Variants in DLG2 observed in about 807,000 individuals in gnomAD.
DLG2 encodes disks large homolog 2.
DLG2 carries 45 observed loss-of-function variants against 132.5 expected under a neutral mutation model. The observed-to-expected ratio is 0.34, with a 90% CI of 0.27 to 0.44. The LOEUF (loss-of-function observed/expected upper bound fraction) is 0.44, where lower values mean the gene tolerates loss of function less well. Among genes scored for constraint, DLG2 ranks in the 20% least tolerant of loss-of-function variants. The probability of loss-of-function intolerance (pLI) is 1.00; values close to 1 mark genes in which losing one functional copy is unlikely to be tolerated. For missense variants in DLG2, 1,045 were observed against 1,196.9 expected (o/e 0.87, Z 1.87); for synonymous variants, 424 against 419.6 (o/e 1.01, Z -0.13).
chr11:84,862,315 A>C (rs967939043), intron 6 of DLG2, among the ~76,000 whole-genome samples: 1 of 152,232 alleles, frequency 6.6e-6, no homozygotes, highest in Non-Finnish European at 1.5e-5. Context: ...TAAAGTCAGG[A>C]AACAACAGAT....
At chr11:83,688,399 G>T (rs1224009476) in intron 18 of DLG2, among the ~76,000 whole-genome samples, 1 of 152,096 alleles carries the variant, frequency 6.6e-6, no homozygotes, top group Non-Finnish European at 1.5e-5. Flanking sequence ...CCATAAAAAA[G>T]CTTTCAGTAA....
At chr11:84,527,157 A>G (rs1414510658) in intron 7 of DLG2, among the ~76,000 whole-genome samples, 2 of 152,214 alleles carry the variant, frequency 1.3e-5, no homozygotes, top group Non-Finnish European at 2.9e-5. Flanking sequence ...TTAGAACAAT[A>G]GAATAAGGCA....
intron 7 of DLG2, among the ~76,000 whole-genome samples, chr11:84,470,724 T>C (rs985866559): frequency 2.6e-5 from 4 of 151,766 alleles, no homozygotes; most frequent in Non-Finnish European, 5.9e-5. Context: ...TAAAGGAAGT[T>C]TGAGATGGCT....
intron 18 of DLG2, among the ~76,000 whole-genome samples, chr11:83,779,212 A>G (rs1239300498): frequency 6.6e-6 from 1 of 152,172 alleles, no homozygotes; most frequent in East Asian, 1.9e-4. Context: ...TGAATGGATA[A>G]GCAGCTGGCT....
intron 15 of DLG2, among the ~76,000 whole-genome samples, chr11:83,885,334 A>C (rs2067517618): frequency 6.6e-6 from 1 of 152,248 alleles, no homozygotes; most frequent in Admixed American, 6.5e-5. Flanking sequence ...ATCAACTGGA[A>C]GAAAGGGTAT....
At chr11:84,687,817 G>T (rs2099739427) in intron 6 of DLG2, among the ~76,000 whole-genome samples, 1 of 152,114 alleles carries the variant, frequency 6.6e-6, no homozygotes, top group Non-Finnish European at 1.5e-5. Context: ...AAAAAATGAT[G>T]CTAGTTATTG....
intron 7 of DLG2, among the ~76,000 whole-genome samples, chr11:84,489,171 C>G (rs1020209094): frequency 6.6e-6 from 1 of 152,022 alleles, no homozygotes; most frequent in Non-Finnish European, 1.5e-5. Flanking sequence ...GGGATAAAGT[C>G]ACTTCAAAGT....
chr11:83,789,683 G>A (rs774854016), intron 17 of DLG2, among the ~76,000 whole-genome samples: 7 of 152,058 alleles, frequency 4.6e-5, no homozygotes, highest in Non-Finnish European at 1.0e-4. Flanking sequence ...GAGTAGCTGG[G>A]ACTACAGGCA....
intron 6 of DLG2, among the ~76,000 whole-genome samples, chr11:84,684,386 T>C (rs1234956860): frequency 6.6e-6 from 1 of 152,198 alleles, no homozygotes; most frequent in African/African-American, 2.4e-5. Context: ...CTTTTTCTTG[T>C]TCACACTCCA....
intron 18 of DLG2, among the ~76,000 whole-genome samples, chr11:83,683,443 C>A (rs1188757315): frequency 6.6e-6 from 1 of 152,114 alleles, no homozygotes; most frequent in Non-Finnish European, 1.5e-5. Context: ...TATCTGGCCC[C>A]AAGTAGTGTT....
At chr11:84,689,087 T>C (rs1565667463) in intron 6 of DLG2, among the ~76,000 whole-genome samples, 2 of 152,192 alleles carry the variant, frequency 1.3e-5, no homozygotes, top group African/African-American at 2.4e-5. Context: ...AATGGAAGCT[T>C]TTATTATTAC....
intron 4 of DLG2, among the ~76,000 whole-genome samples, chr11:85,272,793 C>T (rs2077623223): frequency 6.6e-6 from 1 of 152,082 alleles, no homozygotes; most frequent in South Asian, 2.1e-4. Context: ...CCCGCATCAC[C>T]AAGACAATAC....
intron 6 of DLG2, among the ~76,000 whole-genome samples, chr11:84,979,550 C>G (rs1008665606): frequency 6.6e-6 from 1 of 151,880 alleles, no homozygotes; most frequent in Non-Finnish European, 1.5e-5. Flanking sequence ...AGCAAACTAT[C>G]GCAAGGACAA....
chr11:83,979,864 C>G (rs577524941), intron 12 of DLG2, among the ~76,000 whole-genome samples: 53 of 152,248 alleles, frequency 3.5e-4, no homozygotes, highest in African/African-American at 1.2e-3. Context: ...ATAGTAATTG[C>G]TCTCCCTAAT....
chr11:84,574,725 T>A (rs1592705016), intron 6 of DLG2, among the ~76,000 whole-genome samples: 1 of 152,288 alleles, frequency 6.6e-6, no homozygotes, highest in East Asian at 1.9e-4. Context: ...GATCATCATC[T>A]CCGTGTGCTC....
At chr11:84,266,823 C>T (rs1400017499) in intron 7 of DLG2, among the ~76,000 whole-genome samples, 1 of 152,192 alleles carries the variant, frequency 6.6e-6, no homozygotes, top group Non-Finnish European at 1.5e-5. Flanking sequence ...ATTATCGTTT[C>T]ATTGTTGCCT....
chr11:85,014,336 T>C (rs1430043312), intron 6 of DLG2, among the ~76,000 whole-genome samples: 1 of 152,214 alleles, frequency 6.6e-6, no homozygotes, highest in Non-Finnish European at 1.5e-5. Flanking sequence ...TGGTGCTCAA[T>C]ATGTTTTAGT....
chr11:83,577,484 TTA>T lies in DLG2; in HGVS notation c.1941-35628_1941-35627del, dbSNP rs764976611. On this transcript the variant is annotated intron_variant, in intron 19 of 27. Transcript: ENST00000376104. ...ATATATATATATAAAATAGGATATA[TTA>T]TATATATATATAATAGGATATATTA... Among the ~76,000 whole-genome samples, 705 of 124,328 alleles carry T rather than the reference TTA, an allele frequency of 5.7e-3. 11 individuals carry two copies. Among genetic ancestry groups the T allele is most frequent in the African/African-American group, 0.024 (663 of 28,058 alleles). 81.6% of individuals were successfully genotyped at this position (124,328 alleles called of 152,430 possible).
At chr11:84,594,421 G>A (rs2099551408) in intron 6 of DLG2, among the ~76,000 whole-genome samples, 1 of 152,150 alleles carries the variant, frequency 6.6e-6, no homozygotes, top group Non-Finnish European at 1.5e-5. Context: ...CATTTGGAAT[G>A]CCAACAAAAG....
Sources: gnomAD v4.1 joint callset for allele counts (sites outside exome capture counted in the v4.1 genomes callset) on GRCh38, gnomAD v4.1.1 for gene constraint, MANE v1.5 for transcripts, NCBI Gene and HGNC (gene_info 2026-07-23, HGNC 2026-07-21) for gene names.